Variants in WDR59 observed in about 807,000 individuals in gnomAD.
WDR59 encodes the protein GATOR2 complex protein WDR59.
WDR59 carries 100 observed loss-of-function variants against 131.2 expected under a neutral mutation model. The ratio of observed to expected loss-of-function variants is 0.76; its 90% CI spans 0.65 to 0.90. WDR59 has a LOEUF of 0.90. WDR59 is among the 40% of genes least tolerant of loss of function. WDR59 has a pLI of 0.00. For synonymous variants in WDR59, 601 were observed against 466.2 expected (o/e 1.29, Z -3.72); for missense variants, 1,203 against 1,262.2 (o/e 0.95, Z 0.71).
At chr16:74,930,005 G>C (rs979667972) in intron 8 of WDR59, among the ~76,000 whole-genome samples, 4 of 152,174 alleles carry the variant, frequency 2.6e-5, no homozygotes, top group South Asian at 2.1e-4. Flanking sequence ...TGAAGATAGA[G>C]AGCAGAATGA....
chr16:74,871,538 C>A lies in WDR59; in HGVS notation c.*2671G>T, dbSNP rs1236166930. ...GGATGACATTATGTAATATTTTAAA[C>A]TCGAAATTTCTTCACACCATTAAGG... On this transcript the variant is annotated 3_prime_UTR_variant, in exon 26 of 26. Coordinates refer to ENST00000262144, the MANE Select transcript of WDR59 (RefSeq NM_030581.4). 1 of 152,208 alleles carries A rather than the reference C, an allele frequency of 6.6e-6. No homozygotes were observed. Among genetic ancestry groups the A allele is most frequent in the Admixed American group, 6.5e-5 (1 of 15,280 alleles). The allele number at this position is 152,208 out of a possible 1,614,324, so 9.4% of individuals were successfully genotyped here.
intron 20 of WDR59, 123 bp from the exon 21 acceptor site, chr16:74,889,938 T>TGG (rs561428857): frequency 1.8e-4 from 117 of 642,094 alleles, no homozygotes; most frequent in South Asian, 1.1e-3. Flanking sequence ...CAGCAAAAGC[T>TGG]GGATCCTTAT....
intron 1 of WDR59, 133 bp downstream of exon 1, chr16:74,984,819 CCTAAGAGGTCGG>C: frequency 6.8e-6 from 8 of 1,175,888 alleles, no homozygotes; most frequent in Non-Finnish European, 9.6e-6. Flanking sequence ...CCCGACGGGG[CCTAAGAGGTCGG>C]CTAAGCCCCG....
intron 20 of WDR59, among the ~76,000 whole-genome samples, chr16:74,891,204 T>C (rs757324538): frequency 2.0e-5 from 3 of 150,632 alleles, no homozygotes; most frequent in Non-Finnish European, 4.4e-5. Flanking sequence ...CTGGAAAACA[T>C]ACTAGACTCT....
At chr16:74,954,354 G>C (rs1328326168) in intron 3 of WDR59, among the ~76,000 whole-genome samples, 1 of 152,094 alleles carries the variant, frequency 6.6e-6, no homozygotes, top group Non-Finnish European at 1.5e-5. Context: ...GTTGTGGTGA[G>C]CCGAGATCAT....
At chr16:74,929,389 C>T (rs527810244) in intron 8 of WDR59, among the ~76,000 whole-genome samples, 2 of 152,224 alleles carry the variant, frequency 1.3e-5, no homozygotes, top group South Asian at 4.2e-4. Context: ...AGACATCTCT[C>T]AAAGGAAGAC....
chr16:74,884,412 G>C (rs1311493023), intron 25 of WDR59, among the ~76,000 whole-genome samples: 1 of 152,220 alleles, frequency 6.6e-6, no homozygotes, highest in Non-Finnish European at 1.5e-5. Context: ...GCAGTGGCGT[G>C]ATCTTGGCTC....
chr16:74,886,886 G>C (rs1482312239), intron 23 of WDR59, among the ~76,000 whole-genome samples: 1 of 152,100 alleles, frequency 6.6e-6, no homozygotes, highest in Non-Finnish European at 1.5e-5. Context: ...TCATGCCATT[G>C]CACTCCAGCC....
chr16:74,889,866 G>C (rs1378194507), intron 20 of WDR59, 51 bp from the exon 21 acceptor site: 15 of 1,429,340 alleles, frequency 1.0e-5, no homozygotes, highest in Non-Finnish European at 1.5e-5. Flanking sequence ...GACAAGAACC[G>C]AAACCATGAA....
chr16:74,950,748 G>A (rs1431255063), intron 4 of WDR59, among the ~76,000 whole-genome samples: 1 of 152,116 alleles, frequency 6.6e-6, no homozygotes, highest in African/African-American at 2.4e-5. Context: ...CTCTGTAACC[G>A]CTGCTGCCGG....
intron 21 of WDR59, among the ~76,000 whole-genome samples, chr16:74,889,486 C>G (rs1457420673): frequency 1.3e-5 from 2 of 152,136 alleles, no homozygotes; most frequent in African/African-American, 4.8e-5. Flanking sequence ...TCAGGGGTCT[C>G]AAATCCTTGT....
chr16:74,957,756 C>G (rs1262366791), intron 2 of WDR59, among the ~76,000 whole-genome samples: 2 of 152,100 alleles, frequency 1.3e-5, no homozygotes, highest in Non-Finnish European at 2.9e-5. Context: ...AGAGACCACT[C>G]CAAGCCCCTG....
chr16:74,939,107 C>T (rs2032028491), intron 7 of WDR59, among the ~76,000 whole-genome samples: 1 of 151,652 alleles, frequency 6.6e-6, no homozygotes, highest in East Asian at 2.0e-4. Flanking sequence ...GTGGGTGGAT[C>T]ACCTGAGGTC....
chr16:74,900,859 C>A (rs796406720), intron 18 of WDR59, among the ~76,000 whole-genome samples: 10 of 152,254 alleles, frequency 6.6e-5, no homozygotes, highest in African/African-American at 2.4e-4. Context: ...TGGCTCACGC[C>A]TGTAATCCCA....
chr16:74,981,920 T>C (rs1448942969), intron 1 of WDR59, among the ~76,000 whole-genome samples: 1 of 130,628 alleles, frequency 7.7e-6, no homozygotes, highest in East Asian at 2.6e-4. Flanking sequence ...CCTCCCAAAG[T>C]GGTGGGATTA....
intron 2 of WDR59, among the ~76,000 whole-genome samples, chr16:74,962,247 G>C (rs1256616751): frequency 6.6e-6 from 1 of 152,088 alleles, no homozygotes; most frequent in African/African-American, 2.4e-5. Context: ...TGTTATTTTT[G>C]TTTAGGATTG....
At chr16:74,924,236 CG>C (rs1205722612) in intron 8 of WDR59, among the ~76,000 whole-genome samples, 1 of 152,126 alleles carries the variant, frequency 6.6e-6, no homozygotes, top group East Asian at 1.9e-4. Context: ...CCACTAAACG[CG>C]GCAGGTCACT....
In WDR59 at chr16:74,893,741, T is replaced by C; in HGVS notation, c.1938A>G (p.Lys646=). The C allele has an allele frequency of 6.2e-7, 1 of 1,614,208 alleles. No homozygotes were observed. Among genetic ancestry groups the C allele is most frequent in the Non-Finnish European group, 8.5e-7 (1 of 1,180,022 alleles). The change falls in exon 19 of 26, where the codon AAA becomes AAG. Residue 646 remains lysine, a synonymous_variant. Coordinates refer to ENST00000262144, the MANE Select transcript of WDR59 (RefSeq NM_030581.4). ...SGNRQIKAAG[K]VIIQDIACLL... is the part of the protein sequence containing the mutation. Reference sequence around the variant, plus strand: ...GGCAAGCAATATCCTGGATGATGACTTTCCCAGCAGCCTTGATCTGTCGAT... The same window carrying C: ...GGCAAGCAATATCCTGGATGATGACCTTCCCAGCAGCCTTGATCTGTCGAT...
intron 25 of WDR59, among the ~76,000 whole-genome samples, chr16:74,882,608 T>A (rs951555626): frequency 4.6e-5 from 7 of 151,546 alleles, no homozygotes; most frequent in Admixed American, 3.3e-4. Context: ...TTTTAGTATC[T>A]CTACTAAAAA....
Sources: gnomAD v4.1 joint callset for allele counts (sites outside exome capture counted in the v4.1 genomes callset) on GRCh38, gnomAD v4.1.1 for gene constraint, MANE v1.5 for transcripts, NCBI Gene and HGNC (gene_info 2026-07-23, HGNC 2026-07-21) for gene names.